Variants in SPOPL observed in about 807,000 individuals in gnomAD.
SPOPL encodes the protein speckle-type POZ protein-like.
A neutral mutation model predicts 53.8 loss-of-function variants in SPOPL; 23 were observed. The ratio of observed to expected loss-of-function variants is 0.43; its 90% CI spans 0.31 to 0.61. The LOEUF is 0.61. Ranked by LOEUF, SPOPL falls within the 20% of genes least tolerant of loss-of-function variation. The pLI, the probability that SPOPL is intolerant of heterozygous loss-of-function variation, is 0.12. For missense variants in SPOPL, 442 were observed against 466.9 expected, an observed-to-expected ratio of 0.95 and a Z score of 0.49; for synonymous variants, 164 against 149.7, an observed-to-expected ratio of 1.10 and a Z score of -0.70.
chr2:138,522,712 T>G (rs1684584711), intron 1 of SPOPL, among the ~76,000 whole-genome samples: 1 of 152,172 alleles, frequency 6.6e-6, no homozygotes, highest in Admixed American at 6.5e-5. Flanking sequence ...GGTGTCCAGC[T>G]CTGCCACTTA....
At chr2:138,565,315 A>G (rs113392333) in intron 10 of SPOPL, among the ~76,000 whole-genome samples, 3,510 of 152,290 alleles carry the variant, frequency 0.023, 81 homozygotes, top group Middle Eastern at 0.075. Context: ...GAAATAATTC[A>G]TTTACTCCTA....
At chr2:138,508,328 C>A (rs973032434) in intron 1 of SPOPL, among the ~76,000 whole-genome samples, 6 of 152,006 alleles carry the variant, frequency 3.9e-5, no homozygotes, top group African/African-American at 1.5e-4. Flanking sequence ...TTTATTCTTT[C>A]TTTATTTATT....
intron 8 of SPOPL, among the ~76,000 whole-genome samples, chr2:138,561,256 C>T (rs1285591634): frequency 6.6e-6 from 1 of 151,980 alleles, no homozygotes; most frequent in Non-Finnish European, 1.5e-5. Flanking sequence ...AGATATAGTG[C>T]ATGACCTTTT....
At chr2:138,529,534 GTTT>G (rs1684758123) in intron 1 of SPOPL, among the ~76,000 whole-genome samples, 2 of 143,686 alleles carry the variant, frequency 1.4e-5, no homozygotes, top group Non-Finnish European at 3.1e-5. Flanking sequence ...GTGTGTGTGT[GTTT>G]GCGTGCGCGC....
At chr2:138,536,318 T>C (rs1465633097) in intron 1 of SPOPL, among the ~76,000 whole-genome samples, 1 of 150,976 alleles carries the variant, frequency 6.6e-6, no homozygotes, top group Non-Finnish European at 1.5e-5. Context: ...ATGGACTGTT[T>C]TAGTGGAGTC....
chr2:138,567,393 GTGTGTGT>G (rs1685685894), intron 10 of SPOPL, among the ~76,000 whole-genome samples: 1 of 141,722 alleles, frequency 7.1e-6, no homozygotes, highest in East Asian at 2.5e-4. Flanking sequence ...GTGTGTGTGT[GTGTGTGT>G]GTGTGTGTGT....
At chr2:138,533,670 G>A (rs1051670355) in intron 1 of SPOPL, among the ~76,000 whole-genome samples, 5 of 151,948 alleles carry the variant, frequency 3.3e-5, no homozygotes, top group Non-Finnish European at 4.4e-5. Flanking sequence ...TAGCAAAACT[G>A]TTGAACATTA....
chr2:138,556,779 G>A (rs1458449778), intron 5 of SPOPL, among the ~76,000 whole-genome samples: 1 of 152,088 alleles, frequency 6.6e-6, no homozygotes, highest in African/African-American at 2.4e-5. Flanking sequence ...TAAGATTGTT[G>A]TAATAAATGC....
At position 138,550,922 on chromosome 2, in the gene SPOPL, A is replaced by G. The variant is rs761436858; in HGVS notation, c.220A>G (p.Lys74Glu). Residue 74 changes from lysine (K) to glutamate (E), a missense_variant, in exon 4 of 11, where the codon AAG (lysine) becomes GAG (glutamate). Physicochemically the swap from Lys to Glu is moderately conservative, Grantham distance 56. Transcript: ENST00000280098. ...KMKWCLRVNP[K>E]GLDDESKDYL... ...TTTTAGGTGCCTGAGGGTAAACCCA[A>G]AGGGATTAGATGATGAAAGTAAAGA... 1.9e-6 allele frequency: 3 copies of G among 1,612,220 alleles called. No individual in the cohort carries two copies. The highest frequency in any genetic ancestry group is 1.1e-5 in the South Asian group (1 of 90,772).
At chr2:138,502,212 C>T (rs1298533533) in intron 1 of SPOPL, 93 bp downstream of exon 1, 1 of 152,674 alleles carries the variant, frequency 6.5e-6, no homozygotes, top group Non-Finnish European at 1.5e-5. Context: ...GCCTCCTGCT[C>T]GCGCCTCACT....
chr2:138,522,131 A>T, intron 1 of SPOPL, among the ~76,000 whole-genome samples: 1 of 152,204 alleles, frequency 6.6e-6, no homozygotes, highest in Non-Finnish European at 1.5e-5. Flanking sequence ...CTCCAAGGTA[A>T]TTCTACTGCA....
intron 1 of SPOPL, among the ~76,000 whole-genome samples, chr2:138,522,214 G>C (rs1301288446): frequency 6.6e-6 from 1 of 152,128 alleles, no homozygotes; most frequent in East Asian, 1.9e-4. Flanking sequence ...CACTTGAGGG[G>C]GGATTGTTGC....
In SPOPL at chr2:138,572,267, A is replaced by G. The variant is rs992607678; in HGVS notation, c.*3187A>G. ...AAAACAGTGCCTTTTTAGGACATCA[A>G]TTATAATAAAATTGTTTTAAAATAT... On this transcript the variant is annotated 3_prime_UTR_variant, in exon 11 of 11. Coordinates refer to ENST00000280098, the MANE Select transcript of SPOPL (RefSeq NM_001001664.3). 4.6e-5 allele frequency: 7 copies of G among 152,624 alleles called. No individual in the cohort carries two copies. Among genetic ancestry groups the G allele is most frequent in the Admixed American group, 2.0e-4 (3 of 15,268 alleles). The allele number at this position is 152,624 out of a possible 1,614,324, so 9.5% of individuals were successfully genotyped here.
chr2:138,520,703 A>G (rs1251801660), intron 1 of SPOPL, among the ~76,000 whole-genome samples: 3 of 152,180 alleles, frequency 2.0e-5, no homozygotes, highest in African/African-American at 7.2e-5. Context: ...GAGTGAACAA[A>G]TGAATGAATG....
chr2:138,511,148 T>G (rs1466394166), intron 1 of SPOPL, among the ~76,000 whole-genome samples: 1 of 152,224 alleles, frequency 6.6e-6, no homozygotes, highest in Non-Finnish European at 1.5e-5. Context: ...CTGTAAGCAT[T>G]TTATCAATGG....
chr2:138,527,084 A>C (rs1322547105), intron 1 of SPOPL, among the ~76,000 whole-genome samples: 4 of 152,150 alleles, frequency 2.6e-5, no homozygotes, highest in African/African-American at 9.7e-5. Context: ...CCCTTGCCTT[A>C]ATACAGTATT....
chr2:138,526,034 G>C (rs1684668419), intron 1 of SPOPL, among the ~76,000 whole-genome samples: 1 of 152,014 alleles, frequency 6.6e-6, no homozygotes, highest in Non-Finnish European at 1.5e-5. Context: ...TCATAGTCTT[G>C]TTCCTTTCCT....
At chr2:138,534,216 C>T (rs752408008) in intron 1 of SPOPL, among the ~76,000 whole-genome samples, 2 of 152,056 alleles carry the variant, frequency 1.3e-5, no homozygotes, top group Non-Finnish European at 2.9e-5. Context: ...ATAGAGTTGA[C>T]CCTCTGTATC....
At chr2:138,515,192 G>T (rs1684412689) in intron 1 of SPOPL, among the ~76,000 whole-genome samples, 1 of 152,176 alleles carries the variant, frequency 6.6e-6, no homozygotes, top group South Asian at 2.1e-4. Context: ...CTTCTAACTT[G>T]ATAAACATGG....
Sources: allele counts gnomAD v4.1 joint callset (sites outside exome capture counted in the v4.1 genomes callset), GRCh38; gene constraint gnomAD v4.1.1; transcripts MANE v1.5; gene names NCBI Gene and HGNC (gene_info 2026-07-23, HGNC 2026-07-21).